ZNF274: variants seen among roughly 807,000 people sequenced by gnomAD.
ZNF274 encodes the protein neurotrophin receptor-interacting factor homolog.
Under a neutral mutation model 42.5 loss-of-function variants are expected in ZNF274, and 23 were observed. That is an observed-to-expected ratio of 0.54 (90% CI 0.39 to 0.77). The LOEUF is 0.77. Among genes scored for constraint, ZNF274 ranks in the 30% least tolerant of loss-of-function variants. The probability of loss-of-function intolerance (pLI) is 0.00; values close to 1 mark genes in which losing one functional copy is unlikely to be tolerated. For missense variants in ZNF274, 679 were observed against 806.5 expected, an observed-to-expected ratio of 0.84 and a Z score of 1.91; for synonymous variants, 292 against 305.4, an observed-to-expected ratio of 0.96 and a Z score of 0.46.
intron 4 of ZNF274, among the ~76,000 whole-genome samples, chr19:58,202,884 A>G (rs762574872): frequency 6.6e-6 from 1 of 152,146 alleles, no homozygotes; most frequent in African/African-American, 2.4e-5. Context: ...TTGGTTCCAC[A>G]GCATGCAAAA....
At chr19:58,191,952 A>G (rs1049168500) in intron 4 of ZNF274, among the ~76,000 whole-genome samples, 1 of 152,216 alleles carries the variant, frequency 6.6e-6, no homozygotes, top group East Asian at 1.9e-4. Context: ...TTTTACAAAC[A>G]TGTTACACAG....
At chr19:58,183,846 C>T in intron 1 of ZNF274, 75 bp from the exon 2 acceptor site, 1 of 1,041,678 alleles carries the variant, frequency 9.6e-7, no homozygotes, top group South Asian at 1.5e-5. Context: ...GGAGCCGTTC[C>T]TGGGCGGAGG....
intron 4 of ZNF274, among the ~76,000 whole-genome samples, chr19:58,197,406 T>C (rs1266789106): frequency 6.6e-6 from 1 of 152,232 alleles, no homozygotes; most frequent in Non-Finnish European, 1.5e-5. Flanking sequence ...TTTTATATCA[T>C]GTCGTAGAGA....
At chr19:58,188,712 A>G (rs1341249810) in intron 4 of ZNF274, among the ~76,000 whole-genome samples, 3 of 124,086 alleles carry the variant, frequency 2.4e-5, no homozygotes, top group African/African-American at 9.5e-5. Context: ...ATATATATAT[A>G]TATATATATA....
At chr19:58,195,972 T>G (rs1391001556) in intron 4 of ZNF274, among the ~76,000 whole-genome samples, 1 of 152,142 alleles carries the variant, frequency 6.6e-6, no homozygotes, top group Non-Finnish European at 1.5e-5. Flanking sequence ...ACCCCTGGTT[T>G]AAGTAGAAGG....
In ZNF274 at chr19:58,213,340, A is replaced by G. The variant is rs1238139326; in HGVS notation, c.*197A>G. On this transcript the variant is annotated 3_prime_UTR_variant, in exon 8 of 8. Coordinates refer to ENST00000617501, the MANE Select transcript of ZNF274 (RefSeq NM_133502.3). Reference sequence around the variant, plus strand: ...AAATGAGTGAGGAGTTATTAACATCATTTGGAAAAAAGATTTCCCATTCAC... The same window carrying G: ...AAATGAGTGAGGAGTTATTAACATCGTTTGGAAAAAAGATTTCCCATTCAC... 1 of 555,258 alleles carries G rather than the reference A, an allele frequency of 1.8e-6. No homozygotes were observed. The highest frequency in any genetic ancestry group is 1.9e-5 in the African/African-American group (1 of 53,534). 34.4% of individuals were successfully genotyped at this position (555,258 alleles called of 1,614,324 possible). A position where few individuals can be genotyped will look rare whatever the true frequency, so the allele number is the denominator to read the frequency against.
intron 4 of ZNF274, among the ~76,000 whole-genome samples, chr19:58,187,800 C>T (rs1365280045): frequency 6.6e-6 from 1 of 151,914 alleles, no homozygotes; most frequent in African/African-American, 2.4e-5. Flanking sequence ...ATCTCAGCTC[C>T]CTGCAACCTC....
intron 4 of ZNF274, among the ~76,000 whole-genome samples, chr19:58,205,988 A>G (rs2075975126): frequency 6.6e-6 from 1 of 152,174 alleles, no homozygotes; most frequent in South Asian, 2.1e-4. Context: ...AGTGTTTTTA[A>G]ATATATTCAC....
intron 2 of ZNF274, chr19:58,184,282 TTTTG>T (rs869140797): frequency 8.8e-5 from 19 of 216,542 alleles, no homozygotes; most frequent in Non-Finnish European, 1.3e-4. Context: ...TTGACAGGTC[TTTTG>T]TTTGTTTGTT....
chr19:58,197,160 G>A (rs933869082), intron 4 of ZNF274, among the ~76,000 whole-genome samples: 1 of 152,150 alleles, frequency 6.6e-6, no homozygotes, highest in Non-Finnish European at 1.5e-5. Flanking sequence ...GGAAGCCTTC[G>A]GGTGTCCCAG....
intron 4 of ZNF274, among the ~76,000 whole-genome samples, chr19:58,199,774 ATACAT>A (rs1181780533): frequency 6.6e-6 from 1 of 152,272 alleles, no homozygotes; most frequent in Non-Finnish European, 1.5e-5. Context: ...GATATACAAA[ATACAT>A]TAATACCTTT....
Position 58,206,956 on chromosome 19 carries a change from C to T in ZNF274, c.493C>T (p.Arg165Trp), listed in dbSNP as rs768753500. ...CCCTGAGGCCGCGCGCCAGAGGTTCCGGCAGTTCCGTTATAAGGACATGAC... is the reference window on the plus strand; with the variant it reads ...CCCTGAGGCCGCGCGCCAGAGGTTCTGGCAGTTCCGTTATAAGGACATGAC... ...GDPEAARQRFRQFRYKDMTGP... is the reference protein window; with the variant it reads ...GDPEAARQRFWQFRYKDMTGP... The change falls in exon 5 of 8, where the codon CGG becomes TGG. Residue 165 changes from arginine (R) to tryptophan (W), a missense_variant. Physicochemically the swap from Arg to Trp is moderately radical, Grantham distance 101 (BLOSUM62 -3). Around this residue, in one of 2 missense-constraint regions of ZNF274, gnomAD observed 223 missense variants for 216.4 expected, o/e 1.03. Transcript: ENST00000617501. The T allele has an allele frequency of 7.5e-6, 12 of 1,610,100 alleles. No homozygotes were observed. The highest frequency in any genetic ancestry group is 6.7e-5 in the African/African-American group (5 of 74,836).
chr19:58,193,445 C>CTT lies in ZNF274; in HGVS notation c.256+6427_256+6428dup, dbSNP rs71188098. On this transcript the variant is annotated intron_variant, in intron 4 of 7. Coordinates refer to ENST00000617501, the MANE Select transcript of ZNF274 (RefSeq NM_133502.3). ...ACAGGTGTGAGCCACCGCGCCTGGC[C>CTT]TTTTTTTTTTTTTTTTTTTTTTTTT... 8.7e-3 allele frequency among the ~76,000 whole-genome samples: 414 copies of CTT among 47,846 alleles called. 6 individuals are homozygous for CTT. The highest frequency in any genetic ancestry group is 0.01 in the Non-Finnish European group (288 of 27,802). 31.4% of individuals were successfully genotyped at this position (47,846 alleles called of 152,430 possible). A position where few individuals can be genotyped will look rare whatever the true frequency, so the allele number is the denominator to read the frequency against.
intron 4 of ZNF274, among the ~76,000 whole-genome samples, chr19:58,192,749 A>G (rs1416160732): frequency 1.3e-5 from 2 of 152,166 alleles, no homozygotes; most frequent in Admixed American, 6.6e-5. Flanking sequence ...CATCTTTTAT[A>G]TATTTTTTTG....
At chr19:58,198,993 A>C (rs1384181317) in intron 4 of ZNF274, among the ~76,000 whole-genome samples, 1 of 152,000 alleles carries the variant, frequency 6.6e-6, no homozygotes, top group Non-Finnish European at 1.5e-5. Context: ...CCCGGGCAGC[A>C]TAGCAATTCC....
chr19:58,187,073 GGAA>G, intron 4 of ZNF274, 31 bp downstream of exon 4: 1 of 1,570,320 alleles, frequency 6.4e-7, no homozygotes, highest in Non-Finnish European at 8.7e-7. Flanking sequence ...GCCCCCACAG[GGAA>G]GGGGCCAACT....
At position 58,212,922 on chromosome 19, in the gene ZNF274, C is replaced by A. The variant is rs753051641; in HGVS notation, c.1741C>A (p.His581Asn). The change falls in exon 8 of 8, where the codon CAC becomes AAC. Residue 581 changes from histidine to asparagine, a missense_variant. Physicochemically the swap from His to Asn is moderately conservative, Grantham distance 68. Transcript: ENST00000617501. The surrounding 1 kb of genome is among the most constrained non-coding windows in gnomAD (Gnocchi z 4.6). ...TFNDRSAISQHLRTHTGAKPY... is the reference protein window; with the variant it reads ...TFNDRSAISQNLRTHTGAKPY... The stretch of plus-strand genomic sequence containing the variant: ...CAATGATCGCTCAGCCATCTCCCAG[C>A]ACCTGAGGACTCACACTGGCGCTAA... The A allele has an allele frequency of 6.2e-7, 1 of 1,614,032 alleles. No homozygotes were observed. The highest frequency in any genetic ancestry group is 8.5e-7 in the Non-Finnish European group (1 of 1,179,900).
At chr19:58,197,611 G>A (rs2075859721) in intron 4 of ZNF274, among the ~76,000 whole-genome samples, 1 of 152,180 alleles carries the variant, frequency 6.6e-6, no homozygotes, top group Non-Finnish European at 1.5e-5. Context: ...AACGTTGAGT[G>A]AATAGATGTC....
In ZNF274 at chr19:58,212,129, T is replaced by C. The variant is rs751458171; in HGVS notation, c.980-32T>C. 9 of 1,572,026 alleles carry C rather than the reference T, an allele frequency of 5.7e-6. No individual in the cohort carries two copies. In the South Asian group the frequency reaches 9.3e-5, roughly 16 times the overall value. On this transcript the variant is annotated intron_variant, in intron 7 of 7. Coordinates refer to ENST00000617501, the MANE Select transcript of ZNF274 (RefSeq NM_133502.3). The surrounding 1 kb of genome is among the most constrained non-coding windows in gnomAD (Gnocchi z 4.6). ...AGACCCATCCCAGCACATCTCTCTA[T>C]GGGATCCACATCTTTTGTTTATTTT...
Sources: allele counts gnomAD v4.1 joint callset (sites outside exome capture counted in the v4.1 genomes callset), GRCh38; gene constraint gnomAD v4.1.1; regional missense constraint gnomAD v4.1.1; non-coding constraint Gnocchi (gnomAD v3.1); transcripts MANE v1.5; gene names NCBI Gene and HGNC (gene_info 2026-07-23, HGNC 2026-07-21).